The following LYPLA1 variants were observed in gnomAD, a reference collection of about 807,000 sequenced individuals.
The protein encoded by LYPLA1 is lysophospholipase 1.
A neutral mutation model predicts 34.0 loss-of-function variants in LYPLA1; 17 were observed. That is an observed-to-expected ratio of 0.50 (90% CI 0.34 to 0.75). The LOEUF (loss-of-function observed/expected upper bound fraction) is 0.75, where lower values mean the gene tolerates loss of function less well. Among genes scored for constraint, LYPLA1 ranks in the 30% least tolerant of loss-of-function variants. LYPLA1 has a pLI of 0.01. For synonymous variants in LYPLA1, 98 were observed against 100.8 expected (o/e 0.97, Z 0.17); for missense variants, 203 against 288.8 (o/e 0.70, Z 2.15).
At chr8:54,058,173 A>G (rs1806344703) in intron 5 of LYPLA1, among the ~76,000 whole-genome samples, 1 of 152,208 alleles carries the variant, frequency 6.6e-6, no homozygotes, top group Non-Finnish European at 1.5e-5. Context: ...AATTGTACGT[A>G]GTTAAGTGTT....
At chr8:54,044,020 T>C (rs1282958145), downstream of LYPLA1, among the ~76,000 whole-genome samples, 1 of 152,176 alleles carries the variant, frequency 6.6e-6, no homozygotes, top group African/African-American at 2.4e-5. Flanking sequence ...GCATCCCAAG[T>C]AGCTGGGATT....
intron 1 of LYPLA1, 145 bp downstream of exon 1, chr8:54,101,610 C>A: frequency 8.7e-7 from 1 of 1,151,574 alleles, no homozygotes; most frequent in Non-Finnish European, 1.1e-6. Flanking sequence ...GACCCGGCCG[C>A]GCGGACCATT....
chr8:54,044,647 G>T (rs969752718), downstream of LYPLA1, among the ~76,000 whole-genome samples: 3 of 151,936 alleles, frequency 2.0e-5, no homozygotes, highest in African/African-American at 7.2e-5. Context: ...CCCTTAAAAG[G>T]GTCCTGGCTT....
intron 2 of LYPLA1, among the ~76,000 whole-genome samples, chr8:54,098,740 T>C (rs1809880813): frequency 6.6e-6 from 1 of 152,192 alleles, no homozygotes; most frequent in South Asian, 2.1e-4. Context: ...TTATAAAGTA[T>C]TTCTGGAATT....
intron 2 of LYPLA1, among the ~76,000 whole-genome samples, chr8:54,087,874 C>G (rs905905673): frequency 6.6e-6 from 1 of 152,136 alleles, no homozygotes; most frequent in Non-Finnish European, 1.5e-5. Context: ...AGCTGTGTCA[C>G]GAGAGTACAC....
intron 2 of LYPLA1, among the ~76,000 whole-genome samples, chr8:54,095,487 T>A (rs1809614044): frequency 6.6e-6 from 1 of 152,146 alleles, no homozygotes. Flanking sequence ...AAATATTTTT[T>A]AATATTTTAA....
Position 54,062,344 on chromosome 8 carries a change from C to A in LYPLA1, c.216-20G>T. 2 of 1,523,950 alleles carry A rather than the reference C, an allele frequency of 1.3e-6. No individual in the cohort carries two copies. Among genetic ancestry groups the A allele is most frequent in the Non-Finnish European group, 1.8e-6 (2 of 1,114,412 alleles). 94.4% of individuals were successfully genotyped at this position (1,523,950 alleles called of 1,614,324 possible). On this transcript the variant is annotated intron_variant, in intron 4 of 8. Coordinates refer to ENST00000316963, the MANE Select transcript of LYPLA1 (RefSeq NM_006330.4). ...TCAAACCTGTAAAATAAGGCAAAAT[C>A]TTTTGATTCTAAGAAAAATCTATTA... is the stretch of plus-strand genomic sequence containing the variant.
chr8:54,060,362 C>T (rs1024300664), intron 5 of LYPLA1, among the ~76,000 whole-genome samples: 16 of 152,146 alleles, frequency 1.1e-4, no homozygotes, highest in Non-Finnish European at 2.4e-4. Context: ...CGACCTCAGG[C>T]GATCCGCCTG....
At chr8:54,097,649 C>A (rs550743112) in intron 2 of LYPLA1, among the ~76,000 whole-genome samples, 1 of 152,326 alleles carries the variant, frequency 6.6e-6, no homozygotes, top group African/African-American at 2.4e-5. Flanking sequence ...ATGGTTTCAG[C>A]TGCCCACAGT....
downstream of LYPLA1, among the ~76,000 whole-genome samples, chr8:54,043,463 A>C (rs565358636): frequency 8.0e-4 from 122 of 151,892 alleles, no homozygotes; most frequent in Non-Finnish European, 1.5e-3. Context: ...TTTAGTAGAG[A>C]CGGGGTTTCA....
chr8:54,074,179 T>C (rs1033175471), intron 2 of LYPLA1, among the ~76,000 whole-genome samples: 7 of 152,028 alleles, frequency 4.6e-5, no homozygotes, highest in African/African-American at 1.7e-4. Context: ...GAGACTGAGA[T>C]AGGAGAATGG....
chr8:54,070,332 CACA>C (rs1807369052), intron 2 of LYPLA1, among the ~76,000 whole-genome samples: 1 of 152,094 alleles, frequency 6.6e-6, no homozygotes, highest in Non-Finnish European at 1.5e-5. Context: ...AAAACAAAAA[CACA>C]ACAACAAAAA....
intron 2 of LYPLA1, chr8:54,100,201 G>C (rs1442536749): frequency 6.6e-6 from 1 of 151,922 alleles, no homozygotes; most frequent in Non-Finnish European, 1.5e-5. Flanking sequence ...TAGTACAAAA[G>C]GCCAGGCTCA....
At chr8:54,052,158 A>G (rs567270312) in intron 7 of LYPLA1, among the ~76,000 whole-genome samples, 1 of 152,294 alleles carries the variant, frequency 6.6e-6, no homozygotes, top group East Asian at 1.9e-4. Context: ...GTCTAAAAAT[A>G]AGTATGATTT....
chr8:54,045,090 T>C (rs1336557313), downstream of LYPLA1: 1 of 152,242 alleles, frequency 6.6e-6, no homozygotes, highest in Non-Finnish European at 1.5e-5. Flanking sequence ...TTAATAGCTC[T>C]GGAATCCTAA....
intron 2 of LYPLA1, chr8:54,100,450 A>G (rs111537688): frequency 6.5e-6 from 1 of 154,334 alleles, no homozygotes; most frequent in Non-Finnish European, 1.4e-5. Context: ...TAAATCTTTG[A>G]GTTGCCTCCC....
chr8:54,066,976 C>A (rs1160382719), intron 2 of LYPLA1, among the ~76,000 whole-genome samples: 1 of 152,040 alleles, frequency 6.6e-6, no homozygotes, highest in Admixed American at 6.6e-5. Flanking sequence ...CGAGACCAGC[C>A]TGGCCAACAT....
At chr8:54,071,278 G>A (rs180980729) in intron 2 of LYPLA1, among the ~76,000 whole-genome samples, 225 of 152,282 alleles carry the variant, frequency 1.5e-3, no homozygotes, top group African/African-American at 4.1e-3. Flanking sequence ...TGAGAAAGCT[G>A]GCAAAACTTC....
rs35188512 is a variant in LYPLA1, at chr8:54,090,715, C to T, written c.101+10193G>A. Among the ~76,000 whole-genome samples, 952 of 152,240 alleles carry T rather than the reference C, an allele frequency of 6.3e-3. 9 individuals are homozygous for T. Among genetic ancestry groups the T allele is most frequent in the Non-Finnish European group, 7.1e-3 (481 of 68,020 alleles). On this transcript the variant is annotated intron_variant, in intron 2 of 8. Transcript: ENST00000316963. ...TCTATTATTTCTCAACCTGCCGATCCGCCTGGGAACAAAGAGAGAGCCCCA... is the reference window on the plus strand; with the variant it reads ...TCTATTATTTCTCAACCTGCCGATCTGCCTGGGAACAAAGAGAGAGCCCCA...
Sources: allele counts gnomAD v4.1 joint callset (sites outside exome capture counted in the v4.1 genomes callset), GRCh38; gene constraint gnomAD v4.1.1; transcripts MANE v1.5; gene names NCBI Gene and HGNC (gene_info 2026-07-23, HGNC 2026-07-21).